PACRG: variants seen among roughly 807,000 people sequenced by gnomAD.
PACRG encodes parkin coregulated, also known as parkin coregulated gene protein.
PACRG carries 29 observed loss-of-function variants against 29.7 expected under a neutral mutation model. The ratio of observed to expected loss-of-function variants is 0.98; its 90% confidence interval spans 0.73 to 1.33. The LOEUF is 1.33. PACRG is among the 40% of genes most tolerant of loss of function. PACRG has a pLI of 0.00. For synonymous variants in PACRG, 116 were observed against 118.7 expected (o/e 0.98, Z 0.15); for missense variants, 279 against 316.2 (o/e 0.88, Z 0.89).
rs181161011 is a variant in PACRG, at chr6:162,754,570, G to C, written c.156+26179G>C. On this transcript the variant is annotated intron_variant, in intron 1 of 4. Transcript: ENST00000366888. ...ACCAATGTTGTGGAGCTTCCTCCCA[G>C]TGTTTTCTTCTAGTTGTCTTACCCT... 1.2e-3 allele frequency among the ~76,000 whole-genome samples: 188 copies of C among 151,700 alleles called. 2 individuals carry two copies. The highest frequency in any genetic ancestry group is 2.2e-3 in the Non-Finnish European group (149 of 67,932).
intron 4 of PACRG, among the ~76,000 whole-genome samples, chr6:163,243,256 T>C (rs532582435): frequency 6.6e-6 from 1 of 152,302 alleles, no homozygotes; most frequent in South Asian, 2.1e-4. Flanking sequence ...CAGCTGGCTG[T>C]TGCTGACAGT....
At chr6:163,198,723 G>A (rs1585325109) in intron 4 of PACRG, among the ~76,000 whole-genome samples, 1 of 152,188 alleles carries the variant, frequency 6.6e-6, no homozygotes, top group Admixed American at 6.5e-5. Flanking sequence ...TCTGAGACAG[G>A]TCTCAGTTAA....
At chr6:163,145,408 C>A (rs1302329733) in intron 4 of PACRG, among the ~76,000 whole-genome samples, 1 of 152,192 alleles carries the variant, frequency 6.6e-6, no homozygotes, top group South Asian at 2.1e-4. Context: ...CATCTTCCAT[C>A]AACTGTAAAT....
intron 2 of PACRG, among the ~76,000 whole-genome samples, chr6:162,837,297 G>A (rs774895737): frequency 9.2e-5 from 14 of 152,136 alleles, no homozygotes; most frequent in East Asian, 1.9e-4. Context: ...TATGTAACAC[G>A]CGGTGCTGAT....
chr6:162,765,317 A>G lies in PACRG; in HGVS notation c.156+36926A>G, dbSNP rs186302053. 2.4e-3 allele frequency among the ~76,000 whole-genome samples: 372 copies of G among 152,178 alleles called. 1 individual carries two copies. The highest frequency in any genetic ancestry group is 8.5e-3 in the African/African-American group (353 of 41,508). ...AGGCCTCCTTATTCAAGGGAGAGGG[A>G]AACCCTTGAAAACATTTTACTCTAC... On this transcript the variant is annotated intron_variant, in intron 1 of 4. Coordinates refer to ENST00000366888, the MANE Select transcript of PACRG (RefSeq NM_001080379.2).
intron 4 of PACRG, among the ~76,000 whole-genome samples, chr6:163,267,043 T>C (rs1387879944): frequency 6.6e-6 from 1 of 152,064 alleles, no homozygotes; most frequent in Non-Finnish European, 1.5e-5. Flanking sequence ...AGGCAGAGGG[T>C]ACTAAAGACC....
chr6:163,266,506 G>C (rs1424798829), intron 4 of PACRG, among the ~76,000 whole-genome samples: 2 of 152,220 alleles, frequency 1.3e-5, no homozygotes, highest in African/African-American at 4.8e-5. Context: ...GTGTGGAACA[G>C]ATGTGTGGGA....
chr6:162,823,026 C>G (rs547893798), intron 2 of PACRG, among the ~76,000 whole-genome samples: 2 of 151,968 alleles, frequency 1.3e-5, no homozygotes, highest in African/African-American at 4.8e-5. Context: ...ACTGATTTGC[C>G]GTTGCATGTT....
intron 2 of PACRG, among the ~76,000 whole-genome samples, chr6:162,819,710 G>A (rs1787675041): frequency 6.6e-6 from 1 of 152,144 alleles, no homozygotes; most frequent in African/African-American, 2.4e-5. Flanking sequence ...GGAGCTGATT[G>A]TTTTTAAGTT....
intron 1 of PACRG, among the ~76,000 whole-genome samples, chr6:162,751,395 G>A (rs1781504711): frequency 6.6e-6 from 1 of 151,998 alleles, no homozygotes; most frequent in South Asian, 2.1e-4. Context: ...CTCACATATT[G>A]GTGTCTAATT....
chr6:163,248,212 A>G (rs1243861980), intron 4 of PACRG, among the ~76,000 whole-genome samples: 1 of 152,230 alleles, frequency 6.6e-6, no homozygotes, highest in Non-Finnish European at 1.5e-5. Context: ...GCCTGTCACA[A>G]TCATGTGCCC....
At chr6:163,035,742 C>T (rs955418412) in intron 2 of PACRG, among the ~76,000 whole-genome samples, 19 of 128,896 alleles carry the variant, frequency 1.5e-4, no homozygotes, top group Admixed American at 8.8e-4. Context: ...CACTTGAACT[C>T]GGGAGGTGGA....
chr6:162,799,553 A>G (rs1785675445), intron 1 of PACRG, among the ~76,000 whole-genome samples: 1 of 152,026 alleles, frequency 6.6e-6, no homozygotes, highest in African/African-American at 2.4e-5. Context: ...AGAGTATTTC[A>G]TAGCTCTGTA....
chr6:163,086,988 G>A (rs373341895), intron 3 of PACRG, among the ~76,000 whole-genome samples: 14 of 152,188 alleles, frequency 9.2e-5, no homozygotes, highest in African/African-American at 2.2e-4. Flanking sequence ...CAATGGAAGC[G>A]GGTAGGGGGC....
intron 2 of PACRG, among the ~76,000 whole-genome samples, chr6:162,816,103 G>C (rs1036856749): frequency 6.6e-6 from 1 of 151,976 alleles, no homozygotes; most frequent in African/African-American, 2.4e-5. Context: ...AGTCAGCAGG[G>C]ATATAAAATG....
In PACRG at chr6:163,089,552, G is replaced by A. The variant is rs188089407; in HGVS notation, c.613+144G>A. 194 of 945,824 alleles carry A rather than the reference G, an allele frequency of 2.1e-4. No homozygotes were observed. In the African/African-American group the frequency reaches 2.6e-3, roughly 13 times the overall value. The allele number at this position is 945,824 out of a possible 1,614,324, so 58.6% of individuals were successfully genotyped here. A position where few individuals can be genotyped will look rare whatever the true frequency, so the allele number is the denominator to read the frequency against. On this transcript the variant is annotated intron_variant, in intron 4 of 4. Coordinates refer to ENST00000366888, the MANE Select transcript of PACRG (RefSeq NM_001080379.2). ...GGAGATCTAAATAGCATATTCCCACGCCTTCTCCAGCTACTCCCTAGGGAA... is the reference window on the plus strand; with the variant it reads ...GGAGATCTAAATAGCATATTCCCACACCTTCTCCAGCTACTCCCTAGGGAA...
At chr6:163,141,200 A>T (rs1374198687) in intron 4 of PACRG, among the ~76,000 whole-genome samples, 2 of 152,178 alleles carry the variant, frequency 1.3e-5, no homozygotes, top group South Asian at 2.1e-4. Context: ...AACTACCTAG[A>T]ATTTTACACA....
At chr6:162,846,925 C>T (rs576085188) in intron 2 of PACRG, among the ~76,000 whole-genome samples, 1 of 145,802 alleles carries the variant, frequency 6.9e-6, no homozygotes, top group Non-Finnish European at 1.5e-5. Flanking sequence ...GTGCTCCCCA[C>T]ATTGCTGTGC....
chr6:163,120,992 G>A (rs1333316026), intron 4 of PACRG, among the ~76,000 whole-genome samples: 1 of 152,130 alleles, frequency 6.6e-6, no homozygotes, highest in Non-Finnish European at 1.5e-5. Flanking sequence ...GAAAAAAATG[G>A]GAGCTGTTCT....
Sources: allele counts gnomAD v4.1 joint callset (sites outside exome capture counted in the v4.1 genomes callset), GRCh38; gene constraint gnomAD v4.1.1; transcripts MANE v1.5; gene names NCBI Gene and HGNC (gene_info 2026-07-23, HGNC 2026-07-21).